Variants in PCDH15 observed in about 807,000 individuals in gnomAD.
The protein encoded by PCDH15 is protocadherin-15.
A neutral mutation model predicts 178.5 loss-of-function variants in PCDH15; 129 were observed. The ratio of observed to expected loss-of-function variants is 0.72; its 90% CI spans 0.63 to 0.84. The LOEUF is 0.84. PCDH15 is among the 40% of genes least tolerant of loss of function. PCDH15 has a pLI of 0.00. For missense variants in PCDH15, 2,230 were observed against 2,099.9 expected, an observed-to-expected ratio of 1.06 and a Z score of -1.21; for synonymous variants, 800 against 732.0, an observed-to-expected ratio of 1.09 and a Z score of -1.50.
intron 15 of PCDH15, among the ~76,000 whole-genome samples, chr10:54,110,749 G>A (rs2095005726): frequency 6.6e-6 from 1 of 152,146 alleles, no homozygotes; most frequent in African/African-American, 2.4e-5. Context: ...GGTGAGACAA[G>A]TGTATGACTG....
chr10:54,468,090 CT>C (rs1192089741), intron 3 of PCDH15, among the ~76,000 whole-genome samples: 8 of 151,602 alleles, frequency 5.3e-5, no homozygotes, highest in Non-Finnish European at 1.0e-4. Flanking sequence ...TAAATTTTAT[CT>C]TTTTTTGGAA....
chr10:55,239,527 T>A (rs1296280614), intron 1 of PCDH15, among the ~76,000 whole-genome samples: 1 of 152,128 alleles, frequency 6.6e-6, no homozygotes, highest in African/African-American at 2.4e-5. Flanking sequence ...CCTCTTGCCA[T>A]ATACAAAAAT....
At chr10:54,554,797 C>T (rs965953990) in intron 2 of PCDH15, among the ~76,000 whole-genome samples, 9 of 152,074 alleles carry the variant, frequency 5.9e-5, no homozygotes, top group African/African-American at 2.2e-4. Flanking sequence ...AAAATGACTT[C>T]ATTGACAAAC....
chr10:54,961,837 C>T (rs1393247066), intron 2 of PCDH15, among the ~76,000 whole-genome samples: 2 of 152,094 alleles, frequency 1.3e-5, no homozygotes, highest in African/African-American at 2.4e-5. Context: ...CCTCTACACT[C>T]TTTGGGATGA....
chr10:54,660,492 A>C (rs1461432433), intron 2 of PCDH15, among the ~76,000 whole-genome samples: 1 of 152,138 alleles, frequency 6.6e-6, no homozygotes, highest in East Asian at 1.9e-4. Flanking sequence ...TTTCCAAAAA[A>C]AGCCAGGACC....
intron 1 of PCDH15, among the ~76,000 whole-genome samples, chr10:54,756,225 G>A (rs1426604310): frequency 6.6e-6 from 1 of 151,952 alleles, no homozygotes; most frequent in African/African-American, 2.4e-5. Context: ...ACTCCAGCCT[G>A]GGTGACAGAG....
chr10:54,050,813 C>T (rs183001539), intron 18 of PCDH15, among the ~76,000 whole-genome samples: 10 of 152,030 alleles, frequency 6.6e-5, no homozygotes, highest in African/African-American at 2.4e-4. Context: ...TGGCTGTGTC[C>T]CCACCAAAAT....
At chr10:54,020,961 C>T (rs1565035263) in intron 19 of PCDH15, among the ~76,000 whole-genome samples, 1 of 151,994 alleles carries the variant, frequency 6.6e-6, no homozygotes, top group Admixed American at 6.6e-5. Context: ...CTAGAGATCA[C>T]TCTACCATAC....
At chr10:55,612,100 T>C (rs1007402497) in intron 2 of PCDH15, among the ~76,000 whole-genome samples, 5 of 152,036 alleles carry the variant, frequency 3.3e-5, no homozygotes, top group East Asian at 1.9e-4. Context: ...GTCCTAGTGA[T>C]CTATTGAGCA....
intron 2 of PCDH15, among the ~76,000 whole-genome samples, chr10:55,032,172 T>A (rs1312778141): frequency 6.6e-6 from 1 of 152,096 alleles, no homozygotes; most frequent in African/African-American, 2.4e-5. Context: ...ATATGAACAA[T>A]AAAGGCCATT....
intron 2 of PCDH15, among the ~76,000 whole-genome samples, chr10:54,537,091 C>T (rs748613295): frequency 4.0e-5 from 6 of 150,742 alleles, no homozygotes; most frequent in Non-Finnish European, 7.4e-5. Flanking sequence ...CTCCGCCTCC[C>T]AGGTTCACGC....
At chr10:54,566,873 T>C (rs1464013102) in intron 2 of PCDH15, among the ~76,000 whole-genome samples, 1 of 152,166 alleles carries the variant, frequency 6.6e-6, no homozygotes, top group East Asian at 1.9e-4. Flanking sequence ...CTGGATTTTA[T>C]AGTAAAAGCA....
intron 2 of PCDH15, among the ~76,000 whole-genome samples, chr10:55,333,785 C>G (rs1844278126): frequency 1.3e-5 from 2 of 151,320 alleles, no homozygotes; most frequent in South Asian, 4.2e-4. Flanking sequence ...CATAATTTTT[C>G]TTAATAAAAA....
At chr10:54,943,307 G>T (rs1838108776) in intron 2 of PCDH15, among the ~76,000 whole-genome samples, 2 of 151,874 alleles carry the variant, frequency 1.3e-5, no homozygotes, top group African/African-American at 4.8e-5. Context: ...TTCATACATT[G>T]CATCATTCTA....
chr10:53,806,656 C>T lies in PCDH15; in HGVS notation c.5146G>A (p.Asp1716Asn). ...NIKEALEFHSDHTQSDDEELW... is the reference protein window; with the variant it reads ...NIKEALEFHSNHTQSDDEELW... ...TCTTCATCATCAGACTGTGTGTGGTCACTATGAAATTCCAAAGCCTCCTTG... is the reference window on the plus strand; with the variant it reads ...TCTTCATCATCAGACTGTGTGTGGTTACTATGAAATTCCAAAGCCTCCTTG... The change falls in exon 38 of 38, where the codon GAC becomes AAC. Residue 1716 changes from aspartate to asparagine, a missense_variant. Transcript: ENST00000644397. The T allele has an allele frequency of 6.2e-7, 1 of 1,613,776 alleles. No homozygotes were observed. Among genetic ancestry groups the T allele is most frequent in the Non-Finnish European group, 8.5e-7 (1 of 1,179,768 alleles).
Position 54,167,510 on chromosome 10 carries a change from G to A in PCDH15, c.1591-14217C>T, listed in dbSNP as rs191045975. 2.2e-4 allele frequency among the ~76,000 whole-genome samples: 33 copies of A among 152,136 alleles called. No homozygotes were observed. The East Asian group carries it at 3.7e-3, about 17-fold the overall frequency. On this transcript the variant is annotated intron_variant, in intron 13 of 37. Coordinates refer to ENST00000644397, the MANE Select transcript of PCDH15 (RefSeq NM_001384140.1). ...CAGGGACGCCTGATTATACACCCAC[G>A]TTTCAAGGGTGTCAGACCACACAGG...
chr10:54,895,156 T>TA (rs1399565104), intron 3 of PCDH15, among the ~76,000 whole-genome samples: 1 of 152,208 alleles, frequency 6.6e-6, no homozygotes, highest in Non-Finnish European at 1.5e-5. Flanking sequence ...ATCCTCATTT[T>TA]ACCCTGTTAA....
intron 1 of PCDH15, 62 bp from the exon 2 acceptor site, chr10:54,664,352 A>G: frequency 9.9e-7 from 1 of 1,011,656 alleles, no homozygotes; most frequent in Non-Finnish European, 1.5e-6. Context: ...ATAGGTAAAC[A>G]CAATTGTCAC....
chr10:55,118,625 T>C (rs1330382477), intron 2 of PCDH15, among the ~76,000 whole-genome samples: 1 of 152,186 alleles, frequency 6.6e-6, no homozygotes, highest in Non-Finnish European at 1.5e-5. Context: ...CATTTTACAA[T>C]AGTCCTACTC....
Sources: allele counts gnomAD v4.1 joint callset (sites outside exome capture counted in the v4.1 genomes callset), GRCh38; gene constraint gnomAD v4.1.1; transcripts MANE v1.5; gene names NCBI Gene and HGNC (gene_info 2026-07-23, HGNC 2026-07-21).